PPP1CB: variants seen among roughly 807,000 people sequenced by gnomAD.
PPP1CB encodes serine/threonine-protein phosphatase PP1-beta catalytic subunit.
A neutral mutation model predicts 43.7 loss-of-function variants in PPP1CB; 2 were observed. The ratio of observed to expected loss-of-function variants is 0.05; its 90% CI spans 0.02 to 0.14. The LOEUF (loss-of-function observed/expected upper bound fraction) is 0.14. Ranked by LOEUF, PPP1CB falls within the 10% of genes least tolerant of loss-of-function variation. The pLI is 1.00. For missense variants in PPP1CB, 84 were observed against 398.0 expected, an observed-to-expected ratio of 0.21 and a Z score of 6.71; for synonymous variants, 136 against 135.6, an observed-to-expected ratio of 1.00 and a Z score of -0.02.
At chr2:28,774,628 G>T (rs760586003) in intron 1 of PPP1CB, among the ~76,000 whole-genome samples, 8 of 152,040 alleles carry the variant, frequency 5.3e-5, no homozygotes, top group Admixed American at 4.6e-4. Context: ...GTTTCACCAC[G>T]TTGGCTAGGC....
chr2:28,793,949 T>C lies in PPP1CB; in HGVS notation c.831T>C (p.Asn277=). Reference sequence around the variant, plus strand: ...CAAATTACTGTGGCGAGTTTGATAATGCTGGTGGAATGATGAGTGTGGATG... The same window carrying C: ...CAAATTACTGTGGCGAGTTTGATAACGCTGGTGGAATGATGAGTGTGGATG... The part of the protein sequence containing the change: ...SAPNYCGEFD[N]AGGMMSVDET... The change falls in exon 7 of 8, where the codon AAT becomes AAC. Residue 277 remains asparagine (N), a synonymous_variant. Transcript: ENST00000395366. The C allele has an allele frequency of 1.2e-6, 2 of 1,614,178 alleles. No individual in the cohort carries two copies. The highest frequency in any genetic ancestry group is 1.7e-6 in the Non-Finnish European group (2 of 1,180,012).
chr2:28,789,595 T>A (rs1381307385), intron 6 of PPP1CB, among the ~76,000 whole-genome samples: 1 of 30,102 alleles, frequency 3.3e-5, no homozygotes, highest in South Asian at 1.0e-3. Context: ...TGATTTAGAT[T>A]TTTTTTTTTT....
chr2:28,770,214 G>C (rs962128697), intron 1 of PPP1CB, among the ~76,000 whole-genome samples: 1 of 152,126 alleles, frequency 6.6e-6, no homozygotes, highest in Non-Finnish European at 1.5e-5. Flanking sequence ...AGTGAGCTGA[G>C]ATCATGCCGC....
At chr2:28,784,040 C>T in intron 5 of PPP1CB, 62 bp downstream of exon 5, 2 of 1,276,230 alleles carry the variant, frequency 1.6e-6, no homozygotes, top group Non-Finnish European at 2.3e-6. Context: ...AACTTGATTA[C>T]ATTTAGTGGA....
intron 1 of PPP1CB, among the ~76,000 whole-genome samples, chr2:28,774,746 TA>T (rs1172211771): frequency 6.6e-6 from 1 of 152,046 alleles, no homozygotes; most frequent in Non-Finnish European, 1.5e-5. Flanking sequence ...TTTCTTAAAC[TA>T]AAATCTTCCA....
intron 6 of PPP1CB, among the ~76,000 whole-genome samples, chr2:28,793,324 G>T (rs1177457671): frequency 6.6e-6 from 1 of 152,202 alleles, no homozygotes; most frequent in African/African-American, 2.4e-5. Flanking sequence ...AGTGTTTTCA[G>T]TGTGTAGCCA....
intron 3 of PPP1CB, among the ~76,000 whole-genome samples, chr2:28,779,923 C>T (rs1317244747): frequency 6.6e-6 from 1 of 152,060 alleles, no homozygotes; most frequent in African/African-American, 2.4e-5. Context: ...TTTTTTTTCC[C>T]AAGTGTTTCT....
At position 28,802,259 on chromosome 2, in the gene PPP1CB, T is replaced by A. The variant is rs1411518626; in HGVS notation, c.*2956T>A. 2 of 152,202 alleles carry A rather than the reference T, an allele frequency of 1.3e-5. No homozygotes were observed. The highest frequency in any genetic ancestry group is 3.8e-4 in the East Asian group (2 of 5,200). The allele number at this position is 152,202 out of a possible 1,614,324, so 9.4% of individuals were successfully genotyped here. On this transcript the variant is annotated 3_prime_UTR_variant, in exon 8 of 8. Coordinates refer to ENST00000395366, the MANE Select transcript of PPP1CB (RefSeq NM_002709.3). ...CTGAAATATATCTCAGTTTATAAAT[T>A]CAGGTATATTCTTTTTGTCTCCATG...
chr2:28,757,780 T>G (rs1427223724), intron 1 of PPP1CB, among the ~76,000 whole-genome samples: 2 of 152,186 alleles, frequency 1.3e-5, no homozygotes, highest in Non-Finnish European at 2.9e-5. Flanking sequence ...AAACTGACAG[T>G]TTGAAGAAGT....
At chr2:28,782,834 A>G (rs1045058716) in intron 4 of PPP1CB, 1 of 152,238 alleles carries the variant, frequency 6.6e-6, no homozygotes, top group Non-Finnish European at 1.5e-5. Context: ...AAAAACGCTG[A>G]AAAGATAGAT....
chr2:28,782,981 A>C (rs1485413287), intron 4 of PPP1CB: 1 of 152,234 alleles, frequency 6.6e-6, no homozygotes, highest in African/African-American at 2.4e-5. Context: ...GTAGCTAAGG[A>C]TAGAAGTGTA....
Position 28,800,897 on chromosome 2 carries a change from A to G in PPP1CB, c.*1594A>G, listed in dbSNP as rs185045219. Reference sequence around the variant, plus strand: ...TACATTTTATGAATTGGCACATTGTATTACTTACTGCAAGAGATATTTCAT... The same window carrying G: ...TACATTTTATGAATTGGCACATTGTGTTACTTACTGCAAGAGATATTTCAT... On this transcript the variant is annotated 3_prime_UTR_variant, in exon 8 of 8. Coordinates refer to ENST00000395366, the MANE Select transcript of PPP1CB (RefSeq NM_002709.3). 3.1e-3 allele frequency: 472 copies of G among 152,676 alleles called. No individual in the cohort carries two copies. Among genetic ancestry groups the G allele is most frequent in the Admixed American group, 5.4e-3 (82 of 15,280 alleles). 9.5% of individuals were successfully genotyped at this position (152,676 alleles called of 1,614,324 possible).
chr2:28,763,745 C>T (rs1218911814), intron 1 of PPP1CB, among the ~76,000 whole-genome samples: 4 of 152,218 alleles, frequency 2.6e-5, no homozygotes, highest in Non-Finnish European at 2.9e-5. Flanking sequence ...CACTTTGTCA[C>T]CCAGGCTGGA....
In PPP1CB at chr2:28,752,033, T is replaced by C. The variant is rs1377160423; in HGVS notation, c.-92T>C. 4.1e-6 allele frequency: 5 copies of C among 1,221,526 alleles called. No homozygotes were observed. Among genetic ancestry groups the C allele is most frequent in the South Asian group, 1.3e-5 (1 of 77,490 alleles). 75.7% of individuals were successfully genotyped at this position (1,221,526 alleles called of 1,614,324 possible). The stretch of plus-strand genomic sequence containing the variant: ...GCCGGGGTCGAAACGCCGCGTGACT[T>C]GTAGGTGAGAGAACGCCGAGCCGTC... On this transcript the variant is annotated 5_prime_UTR_variant, in exon 1 of 8. Transcript: ENST00000395366.
chr2:28,786,598 C>G (rs371396903), intron 5 of PPP1CB, among the ~76,000 whole-genome samples: 4 of 151,862 alleles, frequency 2.6e-5, no homozygotes, highest in African/African-American at 9.7e-5. Context: ...TCCTGGCTAA[C>G]ACGGTGAAAC....
chr2:28,757,814 C>A (rs1666527907), intron 1 of PPP1CB, among the ~76,000 whole-genome samples: 1 of 152,044 alleles, frequency 6.6e-6, no homozygotes, highest in African/African-American at 2.4e-5. Flanking sequence ...TTTTATTTTG[C>A]TATCTGAATG....
chr2:28,761,273 A>C (rs1371486288), intron 1 of PPP1CB, among the ~76,000 whole-genome samples: 1 of 152,212 alleles, frequency 6.6e-6, no homozygotes, highest in Non-Finnish European at 1.5e-5. Context: ...AGAAAGGAAT[A>C]GCTTTTGTGA....
At chr2:28,756,619 G>T (rs1666494377) in intron 1 of PPP1CB, among the ~76,000 whole-genome samples, 2 of 152,146 alleles carry the variant, frequency 1.3e-5, no homozygotes, top group Admixed American at 1.3e-4. Context: ...TAGTGGATGG[G>T]ACCACAGGCA....
At chr2:28,787,200 T>C (rs6547878) in intron 5 of PPP1CB, among the ~76,000 whole-genome samples, 86,223 of 152,030 alleles carry the variant, frequency 0.57, 24,963 homozygotes, top group Middle Eastern at 0.64. Flanking sequence ...TGGCTCACAC[T>C]TGTAATCCCA....
Sources: gnomAD v4.1 joint callset for allele counts (sites outside exome capture counted in the v4.1 genomes callset) on GRCh38, gnomAD v4.1.1 for gene constraint, MANE v1.5 for transcripts, NCBI Gene and HGNC (gene_info 2026-07-23, HGNC 2026-07-21) for gene names.